DPY30: variants seen among roughly 807,000 people sequenced by gnomAD.
DPY30 encodes dpy-30 histone methyltransferase complex regulatory subunit, also known as protein dpy-30 homolog.
Under a neutral mutation model 16.2 loss-of-function variants are expected in DPY30, and 6 were observed. The ratio of observed to expected loss-of-function variants is 0.37; its 90% CI spans 0.20 to 0.73. The LOEUF is 0.73. Ranked by LOEUF, DPY30 falls within the 30% of genes least tolerant of loss-of-function variation. The pLI is 0.51. For synonymous variants in DPY30, 39 were observed against 38.8 expected, an observed-to-expected ratio of 1.00 and a Z score of -0.02; for missense variants, 73 against 113.1, an observed-to-expected ratio of 0.65 and a Z score of 1.61.
chr2:32,014,485 C>CTTT (rs34360226), intron 5 of DPY30, among the ~76,000 whole-genome samples: 2 of 141,112 alleles, frequency 1.4e-5, no homozygotes, highest in Admixed American at 7.1e-5. Context: ...GAGATCCCAT[C>CTTT]TTTTTTTTTT....
intron 4 of DPY30, among the ~76,000 whole-genome samples, chr2:32,025,724 T>C (rs1472186118): frequency 1.4e-5 from 2 of 147,088 alleles, no homozygotes; most frequent in African/African-American, 5.1e-5. Flanking sequence ...ATCGAGCCAC[T>C]GCCCTCCAGC....
chr2:32,024,374 A>T, intron 4 of DPY30, 118 bp from the exon 5 acceptor site: 1 of 755,810 alleles, frequency 1.3e-6, no homozygotes, highest in Non-Finnish European at 2.1e-6. Context: ...TCACAGTCAA[A>T]GGACATTTGT....
chr2:32,037,162 C>T (rs1484303424), intron 3 of DPY30, among the ~76,000 whole-genome samples: 1 of 152,164 alleles, frequency 6.6e-6, no homozygotes, highest in African/African-American at 2.4e-5. Flanking sequence ...CAAGGAAGCC[C>T]TTTGGGCAGG....
chr2:32,019,019 C>CT (rs1164516744), downstream of DPY30, among the ~76,000 whole-genome samples: 1 of 152,062 alleles, frequency 6.6e-6, no homozygotes, highest in African/African-American at 2.4e-5. Flanking sequence ...GAGCAAGACT[C>CT]TATCTCAAAA....
downstream of DPY30, among the ~76,000 whole-genome samples, chr2:32,021,407 G>A (rs1036668132): frequency 1.3e-5 from 2 of 152,130 alleles, no homozygotes; most frequent in Non-Finnish European, 2.9e-5. Flanking sequence ...GCCGGACACG[G>A]TGGCTAACAC....
chr2:32,019,449 T>A (rs958114409), downstream of DPY30, among the ~76,000 whole-genome samples: 4 of 152,126 alleles, frequency 2.6e-5, no homozygotes, highest in African/African-American at 9.6e-5. Flanking sequence ...GGAGGCAGAT[T>A]TCAGTGAGTC....
intron 4 of DPY30, among the ~76,000 whole-genome samples, chr2:32,025,919 C>T (rs1675317032): frequency 6.6e-6 from 1 of 151,808 alleles, no homozygotes; most frequent in African/African-American, 2.4e-5. Flanking sequence ...ATCAACCTGG[C>T]AACGTGACAA....
intron 5 of DPY30, among the ~76,000 whole-genome samples, chr2:32,015,754 C>G (rs1214344220): frequency 6.6e-6 from 1 of 150,966 alleles, no homozygotes; most frequent in East Asian, 2.0e-4. Context: ...ACTCGGGAGG[C>G]TGAGGCAGGA....
At chr2:32,029,887 T>G (rs1319052006) in intron 3 of DPY30, 151 bp from the exon 4 acceptor site, 4 of 768,872 alleles carry the variant, frequency 5.2e-6, no homozygotes, top group Admixed American at 2.8e-5. Context: ...CTGCCCAAAA[T>G]AAATTCAGAC....
At chr2:32,034,718 G>A (rs1211278349) in intron 3 of DPY30, among the ~76,000 whole-genome samples, 1 of 152,130 alleles carries the variant, frequency 6.6e-6, no homozygotes, top group African/African-American at 2.4e-5. Context: ...CTCATAATAC[G>A]CTGGCCACGG....
At chr2:32,021,616 T>C (rs1304045226), downstream of DPY30, among the ~76,000 whole-genome samples, 1 of 149,662 alleles carries the variant, frequency 6.7e-6, no homozygotes, top group Admixed American at 6.7e-5. Context: ...GAGGCGGAGG[T>C]TGCAGTGAGC....
At chr2:32,033,825 GAACT>G (rs1479576502) in intron 3 of DPY30, among the ~76,000 whole-genome samples, 4 of 152,086 alleles carry the variant, frequency 2.6e-5, no homozygotes, top group African/African-American at 7.2e-5. Context: ...TCAAAATCTT[GAACT>G]AACCTAAAAA....
chr2:32,012,411 T>C (rs1171539375), intron 5 of DPY30, among the ~76,000 whole-genome samples: 1 of 135,920 alleles, frequency 7.4e-6, no homozygotes, highest in Non-Finnish European at 1.6e-5. Context: ...AAAACCTCTC[T>C]CTTTTTTCTT....
rs555254945 is a variant in DPY30, at chr2:32,038,969, T to C, written c.84+310A>G. On this transcript the variant is annotated intron_variant, in intron 3 of 4. Coordinates refer to ENST00000342166, the MANE Select transcript of DPY30 (RefSeq NM_001321209.2). ...GGCGAAGGGTTTCTTAATTTTAATA[T>C]GCGGTTTTTACGTAGCAACATCCCA... Among the ~76,000 whole-genome samples, 54 of 152,292 alleles carry C rather than the reference T, an allele frequency of 3.5e-4. No homozygotes were observed. In the South Asian group the frequency reaches 0.01, roughly 29 times the overall value.
intron 3 of DPY30, among the ~76,000 whole-genome samples, chr2:32,034,014 G>C (rs1212469812): frequency 6.6e-6 from 1 of 151,812 alleles, no homozygotes; most frequent in Non-Finnish European, 1.5e-5. Context: ...GAGCCTAGTA[G>C]TCTCCCTGAG....
chr2:32,024,222 GA>G lies in DPY30; in HGVS notation c.261del (p.Leu88PhefsTer2). On this transcript the variant is annotated frameshift_variant, in exon 5 of 5. Transcript: ENST00000342166. LOFTEE classifies it high-confidence loss of function. ...PPNPIEFLASYLLKNKAQFED... is the reference protein window; with the variant it reads ...PPNPIEFLASXLLKNKAQFED... Reference sequence around the variant, plus strand: ...TCAAACTGTGCCTTGTTTTTTAAAAGATAAGATGCTAGAAATTCAATGGGAT... The same window carrying G: ...TCAAACTGTGCCTTGTTTTTTAAAAGTAAGATGCTAGAAATTCAATGGGAT... 6.2e-7 allele frequency: 1 copy of G among 1,612,744 alleles called. No individual in the cohort carries two copies.
chr2:32,020,552 A>C (rs2148653030), downstream of DPY30, among the ~76,000 whole-genome samples: 1 of 152,096 alleles, frequency 6.6e-6, no homozygotes, highest in East Asian at 1.9e-4. Context: ...AACCTACCCC[A>C]AATTTTGAGG....
chr2:32,022,331 T>C (rs1035483913), downstream of DPY30, among the ~76,000 whole-genome samples: 22 of 152,122 alleles, frequency 1.4e-4, no homozygotes, highest in Non-Finnish European at 2.2e-4. Flanking sequence ...AGAATACTTA[T>C]GAAAACTACT....
downstream of DPY30, among the ~76,000 whole-genome samples, chr2:32,019,936 ATATATG>A (rs990556936): frequency 4.0e-5 from 6 of 148,706 alleles, no homozygotes; most frequent in African/African-American, 1.2e-4. Context: ...ATTTGTACAT[ATATATG>A]TATATGTAAA....
Sources: allele counts gnomAD v4.1 joint callset (sites outside exome capture counted in the v4.1 genomes callset), GRCh38; gene constraint gnomAD v4.1.1; transcripts MANE v1.5; gene names NCBI Gene and HGNC (gene_info 2026-07-23, HGNC 2026-07-21).